The following TNFSF4 variants were observed in gnomAD, a reference collection of about 807,000 sequenced individuals.
The protein encoded by TNFSF4 is tumor necrosis factor ligand superfamily member 4.
In TNFSF4, 4 loss-of-function variants were observed where a neutral mutation model predicts 7.3. That is an observed-to-expected ratio of 0.55 (90% confidence interval 0.27 to 1.25). TNFSF4 has a LOEUF of 1.25. Ranked by LOEUF, TNFSF4 falls within the 50% of genes most tolerant of loss-of-function variation. The pLI, the probability that TNFSF4 is intolerant of heterozygous loss-of-function variation, is 0.12. For synonymous variants in TNFSF4, 76 were observed against 83.7 expected, an observed-to-expected ratio of 0.91 and a Z score of 0.50; for missense variants, 181 against 208.8, an observed-to-expected ratio of 0.87 and a Z score of 0.82.
the TNFSF4 span, among the ~76,000 whole-genome samples, chr1:173,289,039 G>A: frequency 1.3e-5 from 2 of 152,006 alleles, no homozygotes; most frequent in Non-Finnish European, 2.9e-5. Context: ...CCCAAGCAGA[G>A]ACCAATTGTC....
chr1:173,240,702 C>A, the TNFSF4 span, among the ~76,000 whole-genome samples: 1 of 152,080 alleles, frequency 6.6e-6, no homozygotes, highest in Non-Finnish European at 1.5e-5. Flanking sequence ...TTATGAGTAA[C>A]AAAGGTGCTA....
chr1:173,221,525 G>A, the TNFSF4 span, among the ~76,000 whole-genome samples: 5 of 152,144 alleles, frequency 3.3e-5, no homozygotes, highest in Non-Finnish European at 4.4e-5. Context: ...GATTAGATAC[G>A]GTAAGTAATG....
chr1:173,270,919 TATGAGAGTACTTTTGA>T, the TNFSF4 span, among the ~76,000 whole-genome samples: 1 of 152,078 alleles, frequency 6.6e-6, no homozygotes, highest in East Asian at 1.9e-4. Context: ...TGGAAATATA[TATGAGAGTACTTTTGA>T]AAGTTCATGA....
chr1:173,430,524 G>T, the TNFSF4 span, among the ~76,000 whole-genome samples: 3 of 152,210 alleles, frequency 2.0e-5, no homozygotes, highest in African/African-American at 4.8e-5. Context: ...GCAAAGGGAT[G>T]TAATGGGGAT....
chr1:173,212,247 G>A (rs1416553647), upstream of TNFSF4, among the ~76,000 whole-genome samples: 1 of 152,042 alleles, frequency 6.6e-6, no homozygotes, highest in Admixed American at 6.6e-5. Context: ...CTTCCCATTA[G>A]GCCCCACTTC....
chr1:173,287,855 G>C, the TNFSF4 span, among the ~76,000 whole-genome samples: 1 of 152,110 alleles, frequency 6.6e-6, no homozygotes, highest in South Asian at 2.1e-4. Context: ...TATCAATATT[G>C]GTACAAGTTT....
chr1:173,364,492 G>A, the TNFSF4 span, among the ~76,000 whole-genome samples: 1 of 150,628 alleles, frequency 6.6e-6, no homozygotes, highest in Non-Finnish European at 1.5e-5. Flanking sequence ...CTAATAATAA[G>A]CAATGGTTTC....
chr1:173,255,527 C>T, the TNFSF4 span, among the ~76,000 whole-genome samples: 2 of 152,136 alleles, frequency 1.3e-5, no homozygotes, highest in African/African-American at 2.4e-5. Flanking sequence ...AGTTAACAAT[C>T]GTTATAATGT....
At chr1:173,409,554 G>T in the TNFSF4 span, among the ~76,000 whole-genome samples, 2,067 of 152,162 alleles carry the variant, frequency 0.014, 44 homozygotes, top group African/African-American at 0.047. Context: ...CTTTAGGATT[G>T]AAATTATTTC....
the TNFSF4 span, among the ~76,000 whole-genome samples, chr1:173,252,044 A>C: frequency 6.6e-6 from 1 of 152,076 alleles, no homozygotes; most frequent in African/African-American, 2.4e-5. Context: ...AACTAGATCA[A>C]ATGTTTTATG....
the TNFSF4 span, among the ~76,000 whole-genome samples, chr1:173,226,482 T>C: frequency 6.6e-6 from 1 of 152,244 alleles, no homozygotes; most frequent in Non-Finnish European, 1.5e-5. Flanking sequence ...ATTAGAGATA[T>C]AGGGAATGTG....
the TNFSF4 span, among the ~76,000 whole-genome samples, chr1:173,266,112 G>A: frequency 6.6e-6 from 1 of 152,080 alleles, no homozygotes; most frequent in Non-Finnish European, 1.5e-5. Flanking sequence ...GTGTGCAAGA[G>A]TAAGAAGGAT....
At chr1:173,343,786 G>T in the TNFSF4 span, among the ~76,000 whole-genome samples, 1 of 152,172 alleles carries the variant, frequency 6.6e-6, no homozygotes, top group Non-Finnish European at 1.5e-5. Flanking sequence ...TGGATGGATG[G>T]ATGGGTGGAT....
At chr1:173,447,315 T>C in the TNFSF4 span, among the ~76,000 whole-genome samples, 1 of 152,156 alleles carries the variant, frequency 6.6e-6, no homozygotes, top group African/African-American at 2.4e-5. Context: ...GGTGGCTATA[T>C]GTCATTATAG....
chr1:173,385,616 T>C, the TNFSF4 span, among the ~76,000 whole-genome samples: 1 of 152,200 alleles, frequency 6.6e-6, no homozygotes, highest in Admixed American at 6.5e-5. Flanking sequence ...GGCAGCTGGA[T>C]CACTTGAGCA....
chr1:173,173,651 C>A, the TNFSF4 span, among the ~76,000 whole-genome samples: 1 of 152,238 alleles, frequency 6.6e-6, no homozygotes, highest in African/African-American at 2.4e-5. Context: ...AGGCCCAACA[C>A]CATATGTAAG....
At chr1:173,431,367 A>C in the TNFSF4 span, among the ~76,000 whole-genome samples, 3 of 152,228 alleles carry the variant, frequency 2.0e-5, no homozygotes, top group Non-Finnish European at 2.9e-5. Context: ...GTTTCTGGGC[A>C]CTAGAGGGCG....
At chr1:173,296,706 G>A in the TNFSF4 span, among the ~76,000 whole-genome samples, 8 of 151,864 alleles carry the variant, frequency 5.3e-5, no homozygotes, top group Non-Finnish European at 8.8e-5. Context: ...AGTGGACATG[G>A]GTAGGCAGGA....
chr1:173,249,621 C>T, the TNFSF4 span, among the ~76,000 whole-genome samples: 1 of 152,172 alleles, frequency 6.6e-6, no homozygotes, highest in South Asian at 2.1e-4. Flanking sequence ...GGGCAGGGCA[C>T]TCATGACTTC....
Sources: allele counts gnomAD v4.1 joint callset (sites outside exome capture counted in the v4.1 genomes callset), GRCh38; gene constraint gnomAD v4.1.1; transcripts MANE v1.5; gene names NCBI Gene and HGNC (gene_info 2026-07-23, HGNC 2026-07-21).